Variants in NEGR1 observed in about 807,000 individuals in gnomAD.
NEGR1 encodes neuronal growth regulator 1, also known as IgLON family member 4.
A neutral mutation model predicts 40.9 loss-of-function variants in NEGR1; 10 were observed. The ratio of observed to expected loss-of-function variants is 0.24; its 90% CI spans 0.15 to 0.42. The LOEUF is 0.42. Among genes scored for constraint, NEGR1 ranks in the 10% least tolerant of loss-of-function variants. The pLI is 1.00. For synonymous variants in NEGR1, 185 were observed against 166.8 expected (o/e 1.11, Z -0.84); for missense variants, 352 against 438.9 (o/e 0.80, Z 1.77).
chr1:71,771,033 A>G (rs1194391209), intron 3 of NEGR1, among the ~76,000 whole-genome samples: 2 of 152,208 alleles, frequency 1.3e-5, no homozygotes, highest in African/African-American at 4.8e-5. Context: ...TCACAATAGC[A>G]AAGACTTGGA....
intron 1 of NEGR1, among the ~76,000 whole-genome samples, chr1:72,131,032 T>C (rs1650229112): frequency 6.6e-6 from 1 of 152,212 alleles, no homozygotes; most frequent in South Asian, 2.1e-4. Context: ...AAATTTCTAT[T>C]GCTCATGTTG....
At chr1:71,736,109 C>T (rs2101670239) in intron 3 of NEGR1, among the ~76,000 whole-genome samples, 1 of 152,156 alleles carries the variant, frequency 6.6e-6, no homozygotes, top group East Asian at 1.9e-4. Flanking sequence ...TGACCAAAGC[C>T]AGGCTAGCCA....
At chr1:72,112,392 T>A (rs1224950312) in intron 1 of NEGR1, among the ~76,000 whole-genome samples, 1 of 151,768 alleles carries the variant, frequency 6.6e-6, no homozygotes, top group Non-Finnish European at 1.5e-5. Flanking sequence ...TTTTCCAAAA[T>A]TTATTTTTTC....
At chr1:71,717,834 A>G (rs756892041) in intron 3 of NEGR1, among the ~76,000 whole-genome samples, 1 of 152,172 alleles carries the variant, frequency 6.6e-6, no homozygotes, top group Non-Finnish European at 1.5e-5. Context: ...TAAAAAAAGG[A>G]AAACTGAACA....
chr1:71,641,454 T>C (rs1037209526), intron 4 of NEGR1, among the ~76,000 whole-genome samples: 2 of 152,066 alleles, frequency 1.3e-5, no homozygotes, highest in Admixed American at 6.6e-5. Flanking sequence ...AAAAGCATGA[T>C]GGTGACCCAG....
At chr1:71,428,487 T>A (rs1646443654) in intron 6 of NEGR1, among the ~76,000 whole-genome samples, 1 of 152,172 alleles carries the variant, frequency 6.6e-6, no homozygotes, top group South Asian at 2.1e-4. Context: ...TATATCAATG[T>A]GCTGTCAGCA....
intron 3 of NEGR1, among the ~76,000 whole-genome samples, chr1:71,708,107 C>T (rs1653965643): frequency 6.6e-6 from 1 of 151,786 alleles, no homozygotes; most frequent in Admixed American, 6.6e-5. Flanking sequence ...CACTGAAGAA[C>T]ATCTACTAGA....
At chr1:72,237,964 T>C (rs1300374950) in intron 1 of NEGR1, among the ~76,000 whole-genome samples, 4 of 152,032 alleles carry the variant, frequency 2.6e-5, no homozygotes, top group Admixed American at 1.3e-4. Context: ...AGGTGCATAG[T>C]GGGTTTTCAC....
chr1:71,525,952 G>C (rs75442182), intron 6 of NEGR1, among the ~76,000 whole-genome samples: 1 of 151,486 alleles, frequency 6.6e-6, no homozygotes, highest in Non-Finnish European at 1.5e-5. Context: ...ACTTTGAGCC[G>C]AGAGTAAATC....
At chr1:71,945,221 TG>T (rs943294325) in intron 1 of NEGR1, among the ~76,000 whole-genome samples, 5 of 152,132 alleles carry the variant, frequency 3.3e-5, no homozygotes, top group African/African-American at 9.7e-5. Context: ...ACCTGTAAGA[TG>T]GGGTTAGTAA....
At chr1:71,442,413 G>A (rs1232714870) in intron 6 of NEGR1, among the ~76,000 whole-genome samples, 2 of 151,864 alleles carry the variant, frequency 1.3e-5, no homozygotes, top group African/African-American at 2.4e-5. Flanking sequence ...TCAGGAGTTC[G>A]AGACCAGCCT....
At chr1:71,489,620 T>C (rs1376979521) in intron 6 of NEGR1, 1 of 151,918 alleles carries the variant, frequency 6.6e-6, no homozygotes, top group Non-Finnish European at 1.5e-5. Flanking sequence ...TGATTTAATG[T>C]CAAGTCTTTC....
intron 1 of NEGR1, among the ~76,000 whole-genome samples, chr1:71,946,544 A>G (rs1046333246): frequency 2.0e-5 from 3 of 152,158 alleles, no homozygotes; most frequent in African/African-American, 7.2e-5. Context: ...TTAAAACAAG[A>G]TGAACAAACT....
intron 6 of NEGR1, among the ~76,000 whole-genome samples, chr1:71,417,577 C>T (rs943200063): frequency 2.6e-5 from 4 of 152,054 alleles, no homozygotes; most frequent in Admixed American, 6.6e-5. Context: ...TAAATAACTG[C>T]TCTTGTCTGT....
intron 1 of NEGR1, among the ~76,000 whole-genome samples, chr1:71,958,759 C>G (rs1302178441): frequency 2.0e-5 from 3 of 152,052 alleles, no homozygotes; most frequent in Admixed American, 6.6e-5. Context: ...TGAGACCGGC[C>G]TGGCCAACAT....
intron 3 of NEGR1, among the ~76,000 whole-genome samples, chr1:71,742,733 A>G (rs1655253936): frequency 6.6e-6 from 1 of 152,182 alleles, no homozygotes; most frequent in South Asian, 2.1e-4. Context: ...CTTAGATGAT[A>G]TTTAAATGAA....
At chr1:71,482,373 T>C (rs966127585) in intron 6 of NEGR1, among the ~76,000 whole-genome samples, 14 of 151,850 alleles carry the variant, frequency 9.2e-5, no homozygotes, top group Non-Finnish European at 1.0e-4. Context: ...AGATAATCTT[T>C]CTAAACAAAG....
At chr1:71,988,452 T>C (rs1646419743) in intron 1 of NEGR1, among the ~76,000 whole-genome samples, 1 of 141,960 alleles carries the variant, frequency 7.0e-6, no homozygotes, top group African/African-American at 2.6e-5. Context: ...GGCAGGAGAA[T>C]GGCGTGAACC....
chr1:71,956,485 T>A (rs1317836762), intron 1 of NEGR1, among the ~76,000 whole-genome samples: 5 of 152,072 alleles, frequency 3.3e-5, no homozygotes, highest in Non-Finnish European at 2.9e-5. Context: ...CAGGTAATTT[T>A]GGGGAGAGAG....
Sources: allele counts gnomAD v4.1 joint callset (sites outside exome capture counted in the v4.1 genomes callset), GRCh38; gene constraint gnomAD v4.1.1; transcripts MANE v1.5; gene names NCBI Gene and HGNC (gene_info 2026-07-23, HGNC 2026-07-21).